The following RACGAP1 variants were observed in gnomAD, a reference collection of about 807,000 sequenced individuals.
RACGAP1 encodes rac GTPase-activating protein 1.
Under a neutral mutation model 78.1 loss-of-function variants are expected in RACGAP1, and 30 were observed. The ratio of observed to expected loss-of-function variants is 0.38; its 90% CI spans 0.29 to 0.52. The LOEUF (loss-of-function observed/expected upper bound fraction) is 0.52, where lower values mean the gene tolerates loss of function less well. Among genes scored for constraint, RACGAP1 ranks in the 20% least tolerant of loss-of-function variants. The probability of loss-of-function intolerance (pLI) is 0.82; values close to 1 mark genes in which losing one functional copy is unlikely to be tolerated. For missense variants in RACGAP1, 587 were observed against 777.1 expected, an observed-to-expected ratio of 0.76 and a Z score of 2.91; for synonymous variants, 231 against 264.8, an observed-to-expected ratio of 0.87 and a Z score of 1.24.
At chr12:49,995,882 T>C (rs1036114677) in intron 10 of RACGAP1, among the ~76,000 whole-genome samples, 2 of 152,200 alleles carry the variant, frequency 1.3e-5, no homozygotes, top group African/African-American at 2.4e-5. Flanking sequence ...TAACCTATTA[T>C]GAAGTATGTC....
rs1947690246 is a variant in RACGAP1 at position 49,989,278 on chromosome 12, T to A, written c.*990A>T. 2 of 152,150 alleles carry A rather than the reference T, an allele frequency of 1.3e-5. No homozygotes were observed. 9.4% of individuals were successfully genotyped at this position (152,150 alleles called of 1,614,324 possible). On this transcript the variant is annotated 3_prime_UTR_variant, in exon 17 of 17. Transcript: ENST00000312377. Reference sequence around the variant, plus strand: ...CAGAAGAAAATCGTTTTTACAGACATTAAGAATAATTTTAACAGAAGAAAA... The same window carrying A: ...CAGAAGAAAATCGTTTTTACAGACAATAAGAATAATTTTAACAGAAGAAAA...
Position 49,999,054 on chromosome 12 carries a change from A to G in RACGAP1, c.879+87T>C, listed in dbSNP as rs562606105. Reference sequence around the variant, plus strand: ...GGAAGGAAATTTGACATTTAACTTTATAACACTAAAGTATTTAACTTTATT... The same window carrying G: ...GGAAGGAAATTTGACATTTAACTTTGTAACACTAAAGTATTTAACTTTATT... On this transcript the variant is annotated intron_variant, in intron 9 of 16. Coordinates refer to ENST00000312377, the MANE Select transcript of RACGAP1 (RefSeq NM_001319999.2). 1.1e-4 allele frequency: 154 copies of G among 1,410,500 alleles called. 1 individual carries two copies. In the Middle Eastern group the frequency reaches 2.1e-3, roughly 19 times the overall value. The allele number at this position is 1,410,500 out of a possible 1,614,324, so 87.4% of individuals were successfully genotyped here.
At chr12:50,012,989 G>A (rs112193888) in intron 2 of RACGAP1, among the ~76,000 whole-genome samples, 1,575 of 152,096 alleles carry the variant, frequency 0.01, 11 homozygotes, top group Non-Finnish European at 0.017. Flanking sequence ...CTTGAACCTG[G>A]GAGGCGGAGG....
intron 9 of RACGAP1, among the ~76,000 whole-genome samples, chr12:49,998,169 G>A (rs1468680215): frequency 6.6e-6 from 1 of 152,112 alleles, no homozygotes; most frequent in Non-Finnish European, 1.5e-5. Context: ...TTGGGAGGCT[G>A]AGGCGGGAGG....
chr12:50,031,077 A>C (rs914144934), intron 2 of RACGAP1, among the ~76,000 whole-genome samples: 1 of 151,832 alleles, frequency 6.6e-6, no homozygotes, highest in Non-Finnish European at 1.5e-5. Flanking sequence ...CGCCCGGCCA[A>C]TTTTTAAAAA....
chr12:49,994,850 C>G (rs139606558), intron 10 of RACGAP1, among the ~76,000 whole-genome samples: 2 of 152,062 alleles, frequency 1.3e-5, no homozygotes, highest in South Asian at 4.1e-4. Context: ...CAGGTATAGC[C>G]TTTAATATAA....
At chr12:49,990,580 CTAGCTAAAA>C in intron 16 of RACGAP1, 95 bp downstream of exon 16, 1 of 961,778 alleles carries the variant, frequency 1.0e-6, no homozygotes, top group African/African-American at 1.7e-5. Flanking sequence ...AGTCTAGTTG[CTAGCTAAAA>C]TCGAATGCAA....
At chr12:50,006,387 T>C (rs1565680930) in intron 3 of RACGAP1, 47 bp downstream of exon 3, 3 of 1,596,272 alleles carry the variant, frequency 1.9e-6, no homozygotes, top group Non-Finnish European at 2.6e-6. Flanking sequence ...GACAATGCCT[T>C]CCCCCTCCTG....
chr12:50,018,580 T>G (rs1183016700), intron 1 of RACGAP1: 1 of 1,288,528 alleles, frequency 7.8e-7, no homozygotes, highest in Non-Finnish European at 1.0e-6. Flanking sequence ...GTTGATTTCC[T>G]TTGGCTCTCC....
rs1388678522 is a variant in RACGAP1, at chr12:50,005,113, C to T, written c.425+143G>A. 5 of 1,137,628 alleles carry T rather than the reference C, an allele frequency of 4.4e-6. 1 individual carries two copies. The highest frequency in any genetic ancestry group is 2.4e-5 in the Admixed American group (1 of 40,928). The allele number at this position is 1,137,628 out of a possible 1,614,324, so 70.5% of individuals were successfully genotyped here. A position where few individuals can be genotyped will look rare whatever the true frequency, so the allele number is the denominator to read the frequency against. ...ACAGGGACATCCCTGTGCCTTTATTCCCCACCTACTCTCCCCACAAAATCT... is the reference window on the plus strand; with the variant it reads ...ACAGGGACATCCCTGTGCCTTTATTTCCCACCTACTCTCCCCACAAAATCT... On this transcript the variant is annotated intron_variant, in intron 4 of 16. Coordinates refer to ENST00000312377, the MANE Select transcript of RACGAP1 (RefSeq NM_001319999.2).
upstream of RACGAP1, chr12:50,025,660 GTTT>G (rs3830366): frequency 1.3e-5 from 7 of 543,112 alleles, no homozygotes; most frequent in Admixed American, 1.3e-4. Flanking sequence ...CGGTTTTTCG[GTTT>G]TTTTTGTTTT....
upstream of RACGAP1, among the ~76,000 whole-genome samples, chr12:50,030,062 G>T (rs920354681): frequency 1.3e-5 from 2 of 152,116 alleles, no homozygotes; most frequent in Non-Finnish European, 2.9e-5. Context: ...CTGGAGGCCC[G>T]GAGTTCAAGA....
chr12:49,994,046 A>C lies in RACGAP1; in HGVS notation c.1339+85T>G, dbSNP rs940153719. 40 of 1,318,606 alleles carry C rather than the reference A, an allele frequency of 3.0e-5. 1 individual carries two copies. The South Asian group carries it at 5.4e-4, about 18-fold the overall frequency. 81.7% of individuals were successfully genotyped at this position (1,318,606 alleles called of 1,614,324 possible). A position where few individuals can be genotyped will look rare whatever the true frequency, so the allele number is the denominator to read the frequency against. On this transcript the variant is annotated intron_variant, in intron 12 of 16. Transcript: ENST00000312377. ...GCGAGAGTGAGACTCTGTCTAAAAA[A>C]TAAAAAATAAATAAAAAAATAAAGA...
At chr12:50,002,868 A>G (rs902017347) in intron 5 of RACGAP1, among the ~76,000 whole-genome samples, 10 of 151,954 alleles carry the variant, frequency 6.6e-5, no homozygotes, top group African/African-American at 2.2e-4. Flanking sequence ...AAAAAAATAC[A>G]AAAAAATTAG....
intron 2 of RACGAP1, among the ~76,000 whole-genome samples, chr12:50,009,242 CA>C (rs397751749): frequency 0.17 from 11,256 of 65,248 alleles, 354 homozygotes; most frequent in Middle Eastern, 0.23. Context: ...GATGCTGTCT[CA>C]AAAAAAAAAA....
chr12:50,033,136 C>A (rs1950350482), exon 1 of RACGAP1: 1 of 152,530 alleles, frequency 6.6e-6, no homozygotes, highest in Non-Finnish European at 1.5e-5. Flanking sequence ...CTGGGTTCCG[C>A]CTCCCATGGC....
Position 49,989,706 on chromosome 12 carries a change from TC to T in RACGAP1, c.*561del, listed in dbSNP as rs1947711190. On this transcript the variant is annotated 3_prime_UTR_variant, in exon 17 of 17. Coordinates refer to ENST00000312377, the MANE Select transcript of RACGAP1 (RefSeq NM_001319999.2). ...CATACTCCCATCACTAGTTCTGTCC[TC>T]AATGCATCCCATTTTTATGAAAGCT... 1 of 152,734 alleles carries T rather than the reference TC, an allele frequency of 6.5e-6. No homozygotes were observed. The highest frequency in any genetic ancestry group is 1.5e-5 in the Non-Finnish European group (1 of 68,406). The allele number at this position is 152,734 out of a possible 1,614,324, so 9.5% of individuals were successfully genotyped here.
chr12:50,013,575 G>A (rs1949480881), intron 2 of RACGAP1, among the ~76,000 whole-genome samples: 1 of 152,176 alleles, frequency 6.6e-6, no homozygotes, highest in Non-Finnish European at 1.5e-5. Context: ...CCTAGTCAGT[G>A]TACCAGCATC....
intron 15 of RACGAP1, among the ~76,000 whole-genome samples, chr12:49,991,459 A>T (rs1247282577): frequency 1.1e-4 from 2 of 17,582 alleles, no homozygotes; most frequent in Non-Finnish European, 2.5e-4. Flanking sequence ...TTAAACTATT[A>T]TATATATATA....
Sources: gnomAD v4.1 joint callset for allele counts (sites outside exome capture counted in the v4.1 genomes callset) on GRCh38, gnomAD v4.1.1 for gene constraint, MANE v1.5 for transcripts, NCBI Gene and HGNC (gene_info 2026-07-23, HGNC 2026-07-21) for gene names.